ATP9A: variants seen among roughly 807,000 people sequenced by gnomAD.
ATP9A encodes the protein probable phospholipid-transporting ATPase IIA.
A neutral mutation model predicts 144.1 loss-of-function variants in ATP9A; 52 were observed. That is an observed-to-expected ratio of 0.36 (90% CI 0.29 to 0.45). ATP9A has a LOEUF of 0.45. ATP9A is among the 20% of genes least tolerant of loss of function. ATP9A has a pLI of 1.00. For synonymous variants in ATP9A, 582 were observed against 557.4 expected (o/e 1.04, Z -0.62); for missense variants, 947 against 1,392.7 (o/e 0.68, Z 5.09).
intron 15 of ATP9A, among the ~76,000 whole-genome samples, chr20:51,631,604 G>A (rs553342764): frequency 6.6e-6 from 1 of 152,226 alleles, no homozygotes; most frequent in African/African-American, 2.4e-5. Flanking sequence ...CCCATATTAT[G>A]GCAAGATTAC....
chr20:51,734,197 T>C (rs2122880002), intron 1 of ATP9A, among the ~76,000 whole-genome samples: 1 of 152,138 alleles, frequency 6.6e-6, no homozygotes, highest in East Asian at 1.9e-4. Flanking sequence ...CAGCCCAGGC[T>C]GGTCTCAAAT....
chr20:51,743,396 A>AGTTTTTTTTT (rs2077793149), intron 1 of ATP9A, among the ~76,000 whole-genome samples: 1 of 89,856 alleles, frequency 1.1e-5, no homozygotes, highest in African/African-American at 4.7e-5. Context: ...ACCGAAACTG[A>AGTTTTTTTTT]TTTTTTTTTT....
At chr20:51,650,721 G>A (rs2077360526) in intron 14 of ATP9A, among the ~76,000 whole-genome samples, 1 of 152,056 alleles carries the variant, frequency 6.6e-6, no homozygotes, top group South Asian at 2.1e-4. Context: ...TCTGTGCCAT[G>A]AGCATGTGCT....
At chr20:51,757,437 C>T (rs1325590686) in intron 1 of ATP9A, among the ~76,000 whole-genome samples, 1 of 152,128 alleles carries the variant, frequency 6.6e-6, no homozygotes, top group Non-Finnish European at 1.5e-5. Flanking sequence ...TGGGGACCGC[C>T]GCCAACAGGC....
chr20:51,702,964 G>A (rs966218628), intron 4 of ATP9A, among the ~76,000 whole-genome samples: 1 of 150,302 alleles, frequency 6.7e-6, no homozygotes, highest in Non-Finnish European at 1.5e-5. Context: ...CCTCCGGCAG[G>A]CACACTTCCC....
intron 12 of ATP9A, 132 bp from the exon 13 acceptor site, chr20:51,670,241 G>A: frequency 3.0e-6 from 2 of 671,630 alleles, no homozygotes; most frequent in Non-Finnish European, 5.2e-6. Context: ...CCCTGCTGGG[G>A]AAGACACCTG....
intron 7 of ATP9A, among the ~76,000 whole-genome samples, chr20:51,692,770 C>G (rs1331249810): frequency 6.6e-6 from 1 of 152,026 alleles, no homozygotes; most frequent in Non-Finnish European, 1.5e-5. Flanking sequence ...CCACTGCAGT[C>G]CAGCCTGGGT....
intron 14 of ATP9A, among the ~76,000 whole-genome samples, chr20:51,650,732 A>G (rs1284660290): frequency 6.6e-6 from 1 of 152,090 alleles, no homozygotes; most frequent in Admixed American, 6.6e-5. Flanking sequence ...AGCATGTGCT[A>G]GCCATGGAGA....
chr20:51,768,036 C>T (rs955649526), intron 1 of ATP9A, among the ~76,000 whole-genome samples: 1 of 152,094 alleles, frequency 6.6e-6, no homozygotes, highest in African/African-American at 2.4e-5. Context: ...GGGGCGGGCC[C>T]GGCTTCTCGG....
chr20:51,716,231 ATG>A (rs2077661306), intron 3 of ATP9A, among the ~76,000 whole-genome samples: 1 of 152,186 alleles, frequency 6.6e-6, no homozygotes, highest in South Asian at 2.1e-4. Context: ...TCATCATATA[ATG>A]TTACAGATTA....
rs1420287816 is a variant in ATP9A, at chr20:51,718,834, A to AAAC, written c.328-5761_328-5760insGTT. ...CATCTCAAAAAAAAAAAAAAAAAAA[A>AAAC]AAAAAAAAAAACAGGCCGGGTGCAG... On this transcript the variant is annotated intron_variant, in intron 3 of 27. Transcript: ENST00000338821. Among the ~76,000 whole-genome samples the AAAC allele has an allele frequency of 3.0e-5, 3 of 101,644 alleles. 1 individual carries two copies. The highest frequency in any genetic ancestry group is 6.4e-5 in the Non-Finnish European group (3 of 46,838). The allele number at this position is 101,644 out of a possible 152,430, so 66.7% of individuals were successfully genotyped here. A position where few individuals can be genotyped will look rare whatever the true frequency, so the allele number is the denominator to read the frequency against.
At chr20:51,726,086 A>G (rs8123910) in intron 2 of ATP9A, among the ~76,000 whole-genome samples, 154 bp from the exon 3 acceptor site, 10,275 of 151,930 alleles carry the variant, frequency 0.068, 790 homozygotes, top group African/African-American at 0.19. Context: ...GGCCGAGGCG[A>G]GCGGATCACC....
chr20:51,696,451 C>T (rs980384846), intron 5 of ATP9A, among the ~76,000 whole-genome samples: 4 of 152,196 alleles, frequency 2.6e-5, no homozygotes, highest in Admixed American at 2.0e-4. Flanking sequence ...AAAAGCCTGC[C>T]TCCCCAGCTG....
At chr20:51,713,645 T>C (rs1277353034) in intron 3 of ATP9A, among the ~76,000 whole-genome samples, 1 of 152,142 alleles carries the variant, frequency 6.6e-6, no homozygotes, top group African/African-American at 2.4e-5. Flanking sequence ...GAAACTTAGG[T>C]GGATGGAGCC....
chr20:51,670,050 C>G lies in ATP9A; in HGVS notation c.1240G>C (p.Gly414Arg). 1 of 1,614,098 alleles carries G rather than the reference C, an allele frequency of 6.2e-7. No individual in the cohort carries two copies. Among genetic ancestry groups the G allele is most frequent in the Non-Finnish European group, 8.5e-7 (1 of 1,180,022 alleles). Residue 414 changes from glycine (G) to arginine (R), a missense_variant, in exon 13 of 28, where the codon GGC (glycine) becomes CGC (arginine). Gly to Arg is a moderately radical substitution (Grantham distance 125). This residue lies in a region of ATP9A where 770 missense variants were observed against 1,047.9 expected (regional missense o/e 0.73). Coordinates refer to ENST00000338821, the MANE Select transcript of ATP9A (RefSeq NM_006045.3). ...TGTACTTCGTCCATTGAGTCGAGGC[C>G]GTAGGCTACTGTTCCGAGATGGAGC... ...KRLHLGTVAY[G>R]LDSMDEVQSH...
At chr20:51,708,309 T>C (rs1256940738) in intron 4 of ATP9A, among the ~76,000 whole-genome samples, 1 of 143,196 alleles carries the variant, frequency 7.0e-6, no homozygotes, top group Non-Finnish European at 1.5e-5. Context: ...AAAAAAAAAA[T>C]GATACACCTT....
At chr20:51,618,563 A>G in intron 21 of ATP9A, 99 bp downstream of exon 21, 1 of 1,467,472 alleles carries the variant, frequency 6.8e-7, no homozygotes, top group Non-Finnish European at 9.0e-7. Context: ...GGGCCTGGGG[A>G]ATTTGAAGAA....
intron 4 of ATP9A, among the ~76,000 whole-genome samples, chr20:51,698,949 A>G (rs2077581828): frequency 6.6e-6 from 1 of 152,182 alleles, no homozygotes; most frequent in African/African-American, 2.4e-5. Context: ...GATAGGTGAA[A>G]TTCACATACA....
At chr20:51,703,694 G>A (rs945420774) in intron 4 of ATP9A, among the ~76,000 whole-genome samples, 2 of 152,144 alleles carry the variant, frequency 1.3e-5, no homozygotes, top group African/African-American at 2.4e-5. Flanking sequence ...TGTTTCCCTT[G>A]AGTCGAAACA....
Sources: allele counts gnomAD v4.1 joint callset (sites outside exome capture counted in the v4.1 genomes callset), GRCh38; gene constraint gnomAD v4.1.1; regional missense constraint gnomAD v4.1.1; transcripts MANE v1.5; gene names NCBI Gene and HGNC (gene_info 2026-07-23, HGNC 2026-07-21).